The following TULP4 variants were observed in gnomAD, a reference collection of about 807,000 sequenced individuals.
The protein encoded by TULP4 is TUB like protein 4, also known as tubby-related protein 4.
A neutral mutation model predicts 129.0 loss-of-function variants in TULP4; 16 were observed. The ratio of observed to expected loss-of-function variants is 0.12; its 90% CI spans 0.08 to 0.19. The LOEUF is 0.19. Ranked by LOEUF, TULP4 falls within the 10% of genes least tolerant of loss-of-function variation. The pLI is 1.00. For synonymous variants in TULP4, 998 were observed against 854.0 expected, an observed-to-expected ratio of 1.17 and a Z score of -2.94; for missense variants, 1,842 against 2,059.1, an observed-to-expected ratio of 0.89 and a Z score of 2.04.
chr6:158,409,670 CAG>C (rs764591923), intron 1 of TULP4, among the ~76,000 whole-genome samples: 12 of 152,082 alleles, frequency 7.9e-5, no homozygotes, highest in Admixed American at 2.0e-4. Context: ...GAATTATAGA[CAG>C]GGGAGGAAAT....
intron 1 of TULP4, among the ~76,000 whole-genome samples, chr6:158,268,283 G>A (rs1453613992): frequency 6.6e-6 from 1 of 151,884 alleles, no homozygotes; most frequent in African/African-American, 2.4e-5. Context: ...AGGTGATCCG[G>A]CCACTTCTGC....
intron 6 of TULP4, among the ~76,000 whole-genome samples, chr6:158,476,321 A>G (rs1366202401): frequency 2.0e-5 from 3 of 152,176 alleles, no homozygotes; most frequent in African/African-American, 7.2e-5. Flanking sequence ...TTCTTGTCCC[A>G]TTCTTAGAAG....
chr6:158,351,813 C>T (rs1002135982), intron 1 of TULP4, among the ~76,000 whole-genome samples: 14 of 142,070 alleles, frequency 9.9e-5, no homozygotes, highest in African/African-American at 3.1e-4. Flanking sequence ...CCACCACATC[C>T]TGGGTTCAAG....
intron 6 of TULP4, among the ~76,000 whole-genome samples, chr6:158,473,641 C>A (rs562768107): frequency 7.2e-5 from 11 of 152,286 alleles, no homozygotes; most frequent in Admixed American, 1.3e-4. Flanking sequence ...GCCTCAGCCT[C>A]CCGAGTAGCT....
At chr6:158,245,461 T>C (rs9459769) in intron 1 of TULP4, among the ~76,000 whole-genome samples, 26,214 of 152,036 alleles carry the variant, frequency 0.17, 2,692 homozygotes, top group Middle Eastern at 0.24. Flanking sequence ...TCGGTGCTGG[T>C]GCAGATGAAG....
At chr6:158,487,105 G>GGGT (rs34753763) in intron 8 of TULP4, among the ~76,000 whole-genome samples, 53,711 of 151,664 alleles carry the variant, frequency 0.35, 9,607 homozygotes, top group African/African-American at 0.41. Flanking sequence ...AAAATTAGCT[G>GGGT]GGTGTGGTGG....
chr6:158,238,082 A>G (rs1777755182), intron 1 of TULP4: 4 of 708,246 alleles, frequency 5.6e-6, no homozygotes, highest in Non-Finnish European at 1.1e-5. Flanking sequence ...AATCTTCTTC[A>G]TGGCTACACA....
At chr6:158,346,617 C>T (rs983656601) in intron 1 of TULP4, among the ~76,000 whole-genome samples, 9 of 152,164 alleles carry the variant, frequency 5.9e-5, no homozygotes, top group African/African-American at 2.2e-4. Context: ...ATAAAAAAAG[C>T]ATCTGTAACT....
chr6:158,486,419 G>A (rs570695841), intron 8 of TULP4, among the ~76,000 whole-genome samples: 2 of 152,240 alleles, frequency 1.3e-5, no homozygotes, highest in Non-Finnish European at 1.5e-5. Flanking sequence ...CGGGCGTGGT[G>A]GCGGGTGCAT....
intron 1 of TULP4, among the ~76,000 whole-genome samples, chr6:158,329,310 A>G (rs777786571): frequency 1.9e-4 from 29 of 152,206 alleles, no homozygotes; most frequent in Non-Finnish European, 3.5e-4. Context: ...CCTCCTAGTC[A>G]AGCTCACTTC....
intron 1 of TULP4, among the ~76,000 whole-genome samples, chr6:158,353,125 G>A (rs933189930): frequency 1.3e-5 from 2 of 152,322 alleles, no homozygotes; most frequent in Middle Eastern, 3.4e-3. Context: ...ATGTAGCATG[G>A]CTGTCCCCAT....
chr6:158,497,008 G>T (rs968313558), intron 11 of TULP4, among the ~76,000 whole-genome samples: 3 of 152,148 alleles, frequency 2.0e-5, no homozygotes, highest in South Asian at 2.1e-4. Context: ...ATGCCACCAT[G>T]CCCAGCTAAT....
At chr6:158,240,244 G>A (rs868814382) in intron 1 of TULP4, among the ~76,000 whole-genome samples, 71 of 68,102 alleles carry the variant, frequency 1.0e-3, no homozygotes, top group Admixed American at 3.8e-3. Flanking sequence ...CCTCCCGGAC[G>A]GGGCGGCTGG....
intron 1 of TULP4, among the ~76,000 whole-genome samples, chr6:158,350,461 C>CT (rs1325146009): frequency 1.3e-5 from 2 of 152,236 alleles, no homozygotes; most frequent in African/African-American, 4.8e-5. Context: ...GAGTGAGACT[C>CT]TGTCTGCAAT....
intron 1 of TULP4, among the ~76,000 whole-genome samples, chr6:158,409,782 T>C (rs935331038): frequency 6.6e-6 from 1 of 152,238 alleles, no homozygotes; most frequent in Non-Finnish European, 1.5e-5. Flanking sequence ...TTTTCGTTTA[T>C]ACTAGTTGGA....
At chr6:158,408,151 C>T (rs1778008263) in intron 1 of TULP4, among the ~76,000 whole-genome samples, 2 of 152,144 alleles carry the variant, frequency 1.3e-5, no homozygotes, top group Non-Finnish European at 2.9e-5. Flanking sequence ...TGTGACGGAG[C>T]GCAGTGTACC....
chr6:158,493,494 A>G lies in TULP4; in HGVS notation c.1632-79A>G, dbSNP rs1780260980. 3.7e-6 allele frequency: 5 copies of G among 1,361,672 alleles called. No individual in the cohort carries two copies. The Admixed American group carries it at 1.5e-4, about 41-fold the overall frequency. 84.3% of individuals were successfully genotyped at this position (1,361,672 alleles called of 1,614,324 possible). On this transcript the variant is annotated intron_variant, in intron 9 of 13. Coordinates refer to ENST00000367097, the MANE Select transcript of TULP4 (RefSeq NM_020245.5). The surrounding 1 kb of genome is among the most constrained non-coding windows in gnomAD (Gnocchi z 4.4). The stretch of plus-strand genomic sequence containing the variant: ...ACACCCAGGCTGGCTGTCCAGAAAA[A>G]GAAAGGACTGCTGGAGTCAGGGCCA...
chr6:158,381,249 C>T (rs1269700057), intron 1 of TULP4, among the ~76,000 whole-genome samples: 1 of 151,346 alleles, frequency 6.6e-6, no homozygotes, highest in African/African-American at 2.4e-5. Flanking sequence ...AAAGTAAATA[C>T]AGCACCATAA....
intron 1 of TULP4, among the ~76,000 whole-genome samples, chr6:158,355,095 A>G (rs1780614702): frequency 6.6e-6 from 1 of 151,588 alleles, no homozygotes. Context: ...TTTTTGAGAC[A>G]AAGTCTTGCT....
Sources: allele counts gnomAD v4.1 joint callset (sites outside exome capture counted in the v4.1 genomes callset), GRCh38; gene constraint gnomAD v4.1.1; non-coding constraint Gnocchi (gnomAD v3.1); transcripts MANE v1.5; gene names NCBI Gene and HGNC (gene_info 2026-07-23, HGNC 2026-07-21).